Variants in OGG1 observed in about 807,000 individuals in gnomAD.
OGG1 encodes the protein N-glycosylase/DNA lyase.
In OGG1, 35 loss-of-function variants were observed where a neutral mutation model predicts 42.3. The observed-to-expected ratio is 0.83, with a 90% CI of 0.63 to 1.10. The LOEUF is 1.10. OGG1 is among the 50% of genes least tolerant of loss of function. OGG1 has a pLI of 0.00. For synonymous variants in OGG1, 189 were observed against 179.0 expected (o/e 1.06, Z -0.44); for missense variants, 484 against 446.7 (o/e 1.08, Z -0.75).
At chr3:9,783,238 CAAAA>C (rs905492730) in intron 3 of OGG1, 26 of 151,158 alleles carry the variant, frequency 1.7e-4, no homozygotes, top group African/African-American at 5.8e-4. Flanking sequence ...CATGAAAAGA[CAAAA>C]AATAAATCAC....
At chr3:9,764,356 A>G (rs1324451853) in intron 7 of OGG1, among the ~76,000 whole-genome samples, 2 of 152,078 alleles carry the variant, frequency 1.3e-5, no homozygotes, top group Non-Finnish European at 2.9e-5. Flanking sequence ...AGTGTTGCCC[A>G]GGCTGGAGTG....
chr3:9,763,027 G>A (rs768294099), intron 7 of OGG1: 17 of 1,613,940 alleles, frequency 1.1e-5, no homozygotes, highest in East Asian at 2.2e-5. Flanking sequence ...TCCACAATAC[G>A]GTCAAAGAGC....
downstream of OGG1, chr3:9,789,507 A>C: frequency 6.2e-7 from 1 of 1,613,412 alleles, no homozygotes; most frequent in Non-Finnish European, 8.5e-7. Context: ...CAGAGTTTCT[A>C]CCTTGTAATG....
downstream of OGG1, chr3:9,759,896 T>C: frequency 7.4e-7 from 1 of 1,353,848 alleles, no homozygotes; most frequent in Non-Finnish European, 1.0e-6. Context: ...CAACCTATGC[T>C]CTTCTTCAGG....
intron 3 of OGG1, chr3:9,783,156 T>A (rs1228299566): frequency 1.3e-5 from 2 of 152,242 alleles, no homozygotes; most frequent in South Asian, 4.1e-4. Context: ...ATGTTTATTG[T>A]ATGATTCTTT....
At chr3:9,765,402 TGCTGAGTGG>T (rs1456845572) in intron 7 of OGG1, among the ~76,000 whole-genome samples, 4 of 152,004 alleles carry the variant, frequency 2.6e-5, no homozygotes, top group African/African-American at 9.7e-5. Flanking sequence ...TTTTTAAACT[TGCTGAGTGG>T]TTTTAATATG....
At chr3:9,760,890 C>T, downstream of OGG1, 1 of 1,411,830 alleles carries the variant, frequency 7.1e-7, no homozygotes, top group Non-Finnish European at 9.6e-7. Flanking sequence ...TTTATAAACT[C>T]TACCAGCCCT....
downstream of OGG1, chr3:9,761,104 C>A: frequency 2.9e-6 from 1 of 348,844 alleles, no homozygotes; most frequent in Non-Finnish European, 5.3e-6. Flanking sequence ...ATGGCATCAC[C>A]CCGTCTCCCT....
At chr3:9,782,610 A>G (rs1054076755) in intron 3 of OGG1, among the ~76,000 whole-genome samples, 5 of 152,180 alleles carry the variant, frequency 3.3e-5, no homozygotes, top group East Asian at 1.9e-4. Flanking sequence ...CCCCAGCACA[A>G]TATCTAAGAG....
chr3:9,765,677 T>C (rs954669890), intron 7 of OGG1: 12 of 1,493,426 alleles, frequency 8.0e-6, no homozygotes, highest in Middle Eastern at 2.2e-4. Flanking sequence ...GTTTAAATGA[T>C]TTGTCCAAAG....
downstream of OGG1, chr3:9,761,160 C>G: frequency 2.8e-6 from 1 of 358,574 alleles, no homozygotes; most frequent in Non-Finnish European, 5.1e-6. Flanking sequence ...TATCACCTGA[C>G]GTCAGTTTGT....
chr3:9,760,896 G>T, downstream of OGG1: 4 of 1,352,510 alleles, frequency 3.0e-6, no homozygotes, highest in Non-Finnish European at 4.0e-6. Flanking sequence ...AACTCTACCA[G>T]CCCTGCCTGC....
chr3:9,752,108 C>T, intron 3 of OGG1, 159 bp downstream of exon 3: 1 of 668,514 alleles, frequency 1.5e-6, no homozygotes, highest in Admixed American at 2.4e-5. Context: ...CTCATCCTCC[C>T]TATGCATCCC....
chr3:9,759,966 G>T (rs2077772423), downstream of OGG1: 1 of 603,246 alleles, frequency 1.7e-6, no homozygotes, highest in Admixed American at 3.0e-5. Flanking sequence ...CATATGGCCG[G>T]GCACAGTGGC....
At chr3:9,787,899 G>A (rs1049980927) in exon 4 of OGG1, 2 of 384,938 alleles carry the variant, frequency 5.2e-6, no homozygotes, top group African/African-American at 4.2e-5. Flanking sequence ...AAGGAGACAA[G>A]AGGGAGAGAA....
At chr3:9,763,803 T>C (rs1206891949) in intron 7 of OGG1, among the ~76,000 whole-genome samples, 1 of 152,086 alleles carries the variant, frequency 6.6e-6, no homozygotes, top group African/African-American at 2.4e-5. Flanking sequence ...CTGGCCAACA[T>C]GGCGAAAACC....
chr3:9,750,573 C>T, intron 1 of OGG1, 150 bp downstream of exon 1: 1 of 1,005,520 alleles, frequency 9.9e-7, no homozygotes, highest in South Asian at 1.4e-5. Context: ...AACCTGTTAC[C>T]TTTAATATGT....
chr3:9,776,626 T>A (rs2078369686), intron 2 of OGG1, among the ~76,000 whole-genome samples: 1 of 152,118 alleles, frequency 6.6e-6, no homozygotes, highest in African/African-American at 2.4e-5. Flanking sequence ...CCTGACCTCG[T>A]GATCCGCCCG....
At chr3:9,790,777 A>G (rs530382838), downstream of OGG1, among the ~76,000 whole-genome samples, 1 of 152,226 alleles carries the variant, frequency 6.6e-6, no homozygotes, top group South Asian at 2.1e-4. Flanking sequence ...GCAGATAGGG[A>G]AACTGACACT....
Sources: gnomAD v4.1 joint callset for allele counts (sites outside exome capture counted in the v4.1 genomes callset) on GRCh38, gnomAD v4.1.1 for gene constraint, MANE v1.5 for transcripts, NCBI Gene and HGNC (gene_info 2026-07-23, HGNC 2026-07-21) for gene names.